Variants in SLC35F4 observed in about 807,000 individuals in gnomAD.
SLC35F4 encodes solute carrier family 35 member F4, also known as chromosome 14 open reading frame 36.
SLC35F4 carries 24 observed loss-of-function variants against 44.2 expected under a neutral mutation model. The ratio of observed to expected loss-of-function variants is 0.54; its 90% CI spans 0.39 to 0.76. The LOEUF (loss-of-function observed/expected upper bound fraction) is 0.76, where lower values mean the gene tolerates loss of function less well. SLC35F4 is among the 30% of genes least tolerant of loss of function. The probability of loss-of-function intolerance (pLI) is 0.00; values close to 1 mark genes in which losing one functional copy is unlikely to be tolerated. For synonymous variants in SLC35F4, 238 were observed against 223.6 expected (o/e 1.06, Z -0.57); for missense variants, 562 against 586.1 (o/e 0.96, Z 0.42).
intron 1 of SLC35F4, among the ~76,000 whole-genome samples, chr14:57,897,173 C>T (rs1888891513): frequency 6.6e-6 from 1 of 152,154 alleles, no homozygotes; most frequent in Non-Finnish European, 1.5e-5. Flanking sequence ...TACACTTTTA[C>T]TCTCTTTCTG....
At chr14:57,745,880 T>G (rs1193872523) in intron 1 of SLC35F4, among the ~76,000 whole-genome samples, 1 of 152,166 alleles carries the variant, frequency 6.6e-6, no homozygotes, top group Non-Finnish European at 1.5e-5. Context: ...GTGGCACATA[T>G]ACACCATGGA....
intron 1 of SLC35F4, among the ~76,000 whole-genome samples, chr14:57,717,629 C>A (rs968701919): frequency 2.0e-5 from 3 of 152,102 alleles, no homozygotes; most frequent in African/African-American, 7.2e-5. Context: ...GAGCGAGACT[C>A]CGTCTCAAAA....
At chr14:57,616,894 C>A (rs191935416) in intron 1 of SLC35F4, among the ~76,000 whole-genome samples, 2 of 152,066 alleles carry the variant, frequency 1.3e-5, no homozygotes, top group Non-Finnish European at 2.9e-5. Flanking sequence ...TAAACCTTAG[C>A]CCCTCTTCTT....
chr14:57,746,142 G>A (rs1440416143), intron 1 of SLC35F4, among the ~76,000 whole-genome samples: 1 of 152,020 alleles, frequency 6.6e-6, no homozygotes, highest in East Asian at 1.9e-4. Context: ...TAAATGATGA[G>A]TTAATGGGTG....
At chr14:57,756,228 C>T (rs548648101) in intron 1 of SLC35F4, among the ~76,000 whole-genome samples, 1 of 152,324 alleles carries the variant, frequency 6.6e-6, no homozygotes, top group Non-Finnish European at 1.5e-5. Context: ...CCTCCAAATA[C>T]TGTTCTAGCA....
At chr14:57,926,736 G>GT (rs1889582109) in intron 1 of SLC35F4, among the ~76,000 whole-genome samples, 1 of 134,776 alleles carries the variant, frequency 7.4e-6, no homozygotes, top group Non-Finnish European at 1.6e-5. Context: ...GGGGGGGGGG[G>GT]GTGGATATAT....
At chr14:57,694,918 T>C (rs2075337772) in intron 1 of SLC35F4, among the ~76,000 whole-genome samples, 1 of 152,200 alleles carries the variant, frequency 6.6e-6, no homozygotes, top group Non-Finnish European at 1.5e-5. Flanking sequence ...TTAAAACTCC[T>C]CTGTAAGTTC....
intron 1 of SLC35F4, among the ~76,000 whole-genome samples, chr14:57,734,972 T>C (rs1302073682): frequency 1.3e-5 from 2 of 152,120 alleles, no homozygotes; most frequent in Non-Finnish European, 1.5e-5. Context: ...TTAGGAAAAA[T>C]TTTAACAGCT....
At chr14:57,940,875 A>G (rs1038085280) in intron 1 of SLC35F4, among the ~76,000 whole-genome samples, 1 of 152,192 alleles carries the variant, frequency 6.6e-6, no homozygotes, top group Non-Finnish European at 1.5e-5. Flanking sequence ...AAAGGCAGTA[A>G]TGCTTTCAGA....
intron 1 of SLC35F4, among the ~76,000 whole-genome samples, chr14:57,735,562 G>A (rs1359039772): frequency 6.6e-6 from 1 of 152,198 alleles, no homozygotes. Flanking sequence ...TGCTAGACTA[G>A]CTTTCCCACA....
rs760286315 is a variant in SLC35F4 at position 57,581,240 on chromosome 14, G to T, written c.781C>A (p.Leu261Met). The change falls in exon 4 of 8, where the codon CTG (leucine) becomes ATG (methionine). Residue 261 changes from leucine to methionine, a missense_variant. By Grantham distance (15) the Leu-to-Met change is conservative. Transcript: ENST00000556826. ...CTCACTCCCATGAACCTGTCTTTCA[G>T]CACAATCCATGACAGCAAGAAGACA... ...AFVFLLSWIV[L>M]KDRFMGVRIV... 1.9e-6 allele frequency: 3 copies of T among 1,592,416 alleles called. No individual in the cohort carries two copies. The African/African-American group carries it at 4.1e-5, about 22-fold the overall frequency.
intron 1 of SLC35F4, among the ~76,000 whole-genome samples, chr14:57,954,011 G>C (rs768903699): frequency 3.9e-5 from 6 of 152,092 alleles, no homozygotes; most frequent in Non-Finnish European, 7.4e-5. Flanking sequence ...TTCTAAAATT[G>C]ACCACATAAT....
rs572283161 is a variant in SLC35F4, at chr14:57,919,722, G to C, written n.282+62191C>G. Among the ~76,000 whole-genome samples, 710 of 152,246 alleles carry C rather than the reference G, an allele frequency of 4.7e-3. 2 individuals are homozygous for C. The highest frequency in any genetic ancestry group is 0.016 in the African/African-American group (654 of 41,536). Reference sequence around the variant, plus strand: ...CAAGCCATGAAATAACAGACAGCCGGGATGTGCAGAGAAGGCCAATGGGAA... The same window carrying C: ...CAAGCCATGAAATAACAGACAGCCGCGATGTGCAGAGAAGGCCAATGGGAA... On this transcript the variant is annotated intron_variant and non_coding_transcript_variant, in intron 1 of 1. Transcript: ENST00000556568.
chr14:57,872,624 C>T (rs1341406961), intron 1 of SLC35F4, among the ~76,000 whole-genome samples: 6 of 152,120 alleles, frequency 3.9e-5, no homozygotes, highest in Admixed American at 6.5e-5. Context: ...GGCTCAAGCA[C>T]GTACAACCTG....
At chr14:57,585,039 T>G (rs1594947287) in intron 3 of SLC35F4, among the ~76,000 whole-genome samples, 1 of 152,214 alleles carries the variant, frequency 6.6e-6, no homozygotes, top group African/African-American at 2.4e-5. Flanking sequence ...TAATCTCAAA[T>G]AGTCATAGGG....
intron 1 of SLC35F4, among the ~76,000 whole-genome samples, chr14:57,675,991 C>T (rs901548816): frequency 5.3e-5 from 8 of 151,926 alleles, no homozygotes; most frequent in Non-Finnish European, 2.9e-5. Context: ...TAAACTAAAA[C>T]GCTCAGCAAA....
chr14:57,799,518 T>C (rs2145491), intron 1 of SLC35F4: 76,295 of 152,294 alleles, frequency 0.5, 22,510 homozygotes, highest in African/African-American at 0.81. Context: ...GCAGGCCCCG[T>C]TTCCAAGCAC....
At chr14:57,575,138 T>A (rs1021183883) in intron 4 of SLC35F4, among the ~76,000 whole-genome samples, 8 of 152,224 alleles carry the variant, frequency 5.3e-5, no homozygotes, top group African/African-American at 1.9e-4. Flanking sequence ...CTCTTGACAA[T>A]CTATTCCAGT....
chr14:57,644,253 A>C (rs906768921), intron 1 of SLC35F4, among the ~76,000 whole-genome samples: 51 of 152,004 alleles, frequency 3.4e-4, no homozygotes, highest in Non-Finnish European at 5.9e-4. Flanking sequence ...AAGTGTTCCT[A>C]TTTCTCCACA....
Sources: allele counts gnomAD v4.1 joint callset (sites outside exome capture counted in the v4.1 genomes callset), GRCh38; gene constraint gnomAD v4.1.1; transcripts MANE v1.5; gene names NCBI Gene and HGNC (gene_info 2026-07-23, HGNC 2026-07-21).